The following MYO9A variants were observed in gnomAD, a reference collection of about 807,000 sequenced individuals.
MYO9A encodes the protein unconventional myosin-IXa.
In MYO9A, 103 loss-of-function variants were observed where a neutral mutation model predicts 293.3. The ratio of observed to expected loss-of-function variants is 0.35; its 90% CI spans 0.30 to 0.41. The LOEUF (loss-of-function observed/expected upper bound fraction) is 0.41, where lower values mean the gene tolerates loss of function less well. Ranked by LOEUF, MYO9A falls within the 10% of genes least tolerant of loss-of-function variation. The probability of loss-of-function intolerance (pLI) is 1.00; values close to 1 mark genes in which losing one functional copy is unlikely to be tolerated. For synonymous variants in MYO9A, 1,001 were observed against 1,035.7 expected (o/e 0.97, Z 0.64); for missense variants, 2,685 against 3,033.0 (o/e 0.89, Z 2.69).
In MYO9A at chr15:71,960,103, G is replaced by C. The variant is rs1173380319; in HGVS notation, c.1987-7C>G. The C allele has an allele frequency of 1.2e-6, 2 of 1,609,476 alleles. No individual in the cohort carries two copies. The highest frequency in any genetic ancestry group is 2.7e-5 in the African/African-American group (2 of 74,446). ...TATTTTTTTCCCGGAAATCCTATATGAAAAAAGTACCAGTGTTACTTATGG... is the reference window on the plus strand; with the variant it reads ...TATTTTTTTCCCGGAAATCCTATATCAAAAAAGTACCAGTGTTACTTATGG... On this transcript the variant is annotated splice_region_variant and splice_polypyrimidine_tract_variant and intron_variant, in intron 13 of 41. Transcript: ENST00000356056.
In MYO9A at chr15:71,826,098, G is replaced by GTAAGTAAGTTTT. The variant is rs923253561; in HGVS notation, c.*470_*481dup. The GTAAGTAAGTTTT allele has an allele frequency of 3.6e-5, 5 of 137,352 alleles. No homozygotes were observed. The highest frequency in any genetic ancestry group is 1.3e-4 in the African/African-American group (5 of 37,318). The allele number at this position is 137,352 out of a possible 1,614,324, so 8.5% of individuals were successfully genotyped here. On this transcript the variant is annotated 3_prime_UTR_variant, in exon 42 of 42. Coordinates refer to ENST00000356056, the MANE Select transcript of MYO9A (RefSeq NM_006901.4). ...AATAGAGGGATTAGGCTTTTTGTTTGTAAGTAAGTTTTTGGAAAAAAATTA... is the reference window on the plus strand; with the variant it reads ...AATAGAGGGATTAGGCTTTTTGTTTGTAAGTAAGTTTTTAAGTAAGTTTTTGGAAAAAAATTA...
At chr15:72,026,022 G>C (rs961363539) in intron 4 of MYO9A, among the ~76,000 whole-genome samples, 1 of 152,024 alleles carries the variant, frequency 6.6e-6, no homozygotes. Context: ...GCTCACGCCT[G>C]TAACATTTTG....
rs1248774871 is a variant in MYO9A, at chr15:71,824,756, T to G, written c.*1824A>C. Reference sequence around the variant, plus strand: ...ATTAACTATCATTATTCTGGAGATTTTAATGGCTTCCTTTCTCTGGCTCAA... The same window carrying G: ...ATTAACTATCATTATTCTGGAGATTGTAATGGCTTCCTTTCTCTGGCTCAA... On this transcript the variant is annotated 3_prime_UTR_variant, in exon 42 of 42. Coordinates refer to ENST00000356056, the MANE Select transcript of MYO9A (RefSeq NM_006901.4). 1 of 152,202 alleles carries G rather than the reference T, an allele frequency of 6.6e-6. No homozygotes were observed. Among genetic ancestry groups the G allele is most frequent in the Non-Finnish European group, 1.5e-5 (1 of 68,038 alleles). The allele number at this position is 152,202 out of a possible 1,614,324, so 9.4% of individuals were successfully genotyped here.
At chr15:71,893,429 T>C (rs556693915) in intron 26 of MYO9A, 13 of 514,138 alleles carry the variant, frequency 2.5e-5, no homozygotes, top group South Asian at 1.5e-4. Flanking sequence ...CATCTTTCAC[T>C]GCCATAGTAA....
intron 19 of MYO9A, among the ~76,000 whole-genome samples, chr15:71,911,575 T>C (rs1427742774): frequency 6.6e-6 from 1 of 152,168 alleles, no homozygotes; most frequent in Non-Finnish European, 1.5e-5. Flanking sequence ...TAAGTTTTAG[T>C]AGCTACAACA....
At chr15:72,039,385 A>G (rs1243135814) in intron 2 of MYO9A, among the ~76,000 whole-genome samples, 4 of 152,134 alleles carry the variant, frequency 2.6e-5, no homozygotes, top group Middle Eastern at 3.2e-3. Flanking sequence ...AAGGAAAAAA[A>G]TTTAAATACA....
At chr15:71,989,263 G>T (rs770947042) in intron 11 of MYO9A, among the ~76,000 whole-genome samples, 2 of 151,646 alleles carry the variant, frequency 1.3e-5, no homozygotes, top group African/African-American at 2.4e-5. Flanking sequence ...ACCCATCTTG[G>T]TCTCTCCATA....
chr15:72,091,950 T>C (rs917597283), intron 1 of MYO9A, among the ~76,000 whole-genome samples: 5 of 152,178 alleles, frequency 3.3e-5, no homozygotes, highest in African/African-American at 9.7e-5. Context: ...TCTCCTGACC[T>C]TGTGATCCAC....
intron 2 of MYO9A, chr15:72,041,352 G>A (rs2078220214): frequency 1.8e-6 from 1 of 554,156 alleles, no homozygotes; most frequent in Admixed American, 2.1e-5. Context: ...TGTCGGCAGG[G>A]AAAGGCAACT....
intron 13 of MYO9A, among the ~76,000 whole-genome samples, chr15:71,963,378 C>A (rs2075791802): frequency 6.6e-6 from 1 of 151,056 alleles, no homozygotes; most frequent in South Asian, 2.1e-4. Flanking sequence ...AGCCACCACA[C>A]CTGGCTGTGC....
chr15:71,830,211 C>CTA lies in MYO9A; in HGVS notation c.6936_6937dup (p.Ser2313IlefsTer25). ...GATGTCAGTCTCCATGGCTGCCTCA[C>CTA]TAGTCAAGGTCTCCTCTGAGACATC... On this transcript the variant is annotated frameshift_variant, in exon 40 of 42. Transcript: ENST00000356056. LOFTEE classifies it high-confidence loss of function. 6.2e-7 allele frequency: 1 copy of CTA among 1,614,128 alleles called. No homozygotes were observed. The highest frequency in any genetic ancestry group is 8.5e-7 in the Non-Finnish European group (1 of 1,179,992).
rs182847729 is a variant in MYO9A, at chr15:71,954,321, C to T, written c.2183-2425G>A. Reference sequence around the variant, plus strand: ...GTTGATGCCATTCTCCCACCTCAGCCTCCTGAGTAGCTGGAACTACAGGCG... The same window carrying T: ...GTTGATGCCATTCTCCCACCTCAGCTTCCTGAGTAGCTGGAACTACAGGCG... On this transcript the variant is annotated intron_variant, in intron 14 of 41. Transcript: ENST00000356056. 1.3e-3 allele frequency among the ~76,000 whole-genome samples: 204 copies of T among 152,332 alleles called. 1 individual carries two copies. The highest frequency in any genetic ancestry group is 4.6e-3 in the African/African-American group (193 of 41,572).
chr15:71,949,462 C>A (rs1280553008), intron 15 of MYO9A, among the ~76,000 whole-genome samples: 1 of 151,296 alleles, frequency 6.6e-6, no homozygotes, highest in Non-Finnish European at 1.5e-5. Flanking sequence ...TTTTCTGCCA[C>A]TGTCTTCAAA....
intron 35 of MYO9A, among the ~76,000 whole-genome samples, chr15:71,853,285 G>A (rs1395943943): frequency 1.3e-5 from 2 of 152,186 alleles, no homozygotes; most frequent in African/African-American, 4.8e-5. Context: ...TGAAAGTAAG[G>A]CTAATTTTAA....
intron 18 of MYO9A, among the ~76,000 whole-genome samples, chr15:71,921,321 G>A (rs562421869): frequency 2.0e-5 from 3 of 152,238 alleles, no homozygotes; most frequent in Non-Finnish European, 4.4e-5. Flanking sequence ...GGGAAGAGCT[G>A]TGTGTCATCT....
At chr15:71,932,995 C>A (rs1182418146) in intron 18 of MYO9A, among the ~76,000 whole-genome samples, 1 of 151,084 alleles carries the variant, frequency 6.6e-6, no homozygotes, top group East Asian at 1.9e-4. Context: ...AAACAACAAC[C>A]CCTGCAAAAA....
At chr15:72,021,178 T>A (rs1430874069) in intron 4 of MYO9A, among the ~76,000 whole-genome samples, 161 bp from the exon 5 acceptor site, 1 of 152,142 alleles carries the variant, frequency 6.6e-6, no homozygotes, top group Non-Finnish European at 1.5e-5. Context: ...TCCTAAAAAT[T>A]GAATGATGTT....
Position 72,045,863 on chromosome 15 carries a change from C to A in MYO9A, c.701G>T (p.Cys234Phe). The A allele has an allele frequency of 1.2e-6, 2 of 1,614,074 alleles. No homozygotes were observed. Reference sequence around the variant, plus strand: ...ACCACTCTCTCCTGAAATCACGATGCACTGATTCTTTTTGCGCTGAAGCAT... The same window carrying A: ...ACCACTCTCTCCTGAAATCACGATGAACTGATTCTTTTTGCGCTGAAGCAT... Reference protein sequence around the residue: ...HAMLQRKKNQCIVISGESGSG... With the variant: ...HAMLQRKKNQFIVISGESGSG... The change falls in exon 2 of 42, where the codon TGC becomes TTC. Residue 234 changes from cysteine (C) to phenylalanine (F), a missense_variant. Physicochemically the swap from Cys to Phe is radical, Grantham distance 205. Around this residue, in one of 10 missense-constraint regions of MYO9A, gnomAD observed 289 missense variants for 456.8 expected, o/e 0.63. Coordinates refer to ENST00000356056, the MANE Select transcript of MYO9A (RefSeq NM_006901.4).
intron 14 of MYO9A, chr15:71,958,503 T>G (rs1156922592): frequency 6.6e-5 from 10 of 152,184 alleles, no homozygotes; most frequent in Admixed American, 6.5e-4. Context: ...ACTAGAGTTT[T>G]TCTTTTCCTT....
Sources: gnomAD v4.1 joint callset for allele counts (sites outside exome capture counted in the v4.1 genomes callset) on GRCh38, gnomAD v4.1.1 for gene constraint, gnomAD v4.1.1 regional missense constraint, MANE v1.5 for transcripts, NCBI Gene and HGNC (gene_info 2026-07-23, HGNC 2026-07-21) for gene names.